Variants in SLIT3 observed in about 807,000 individuals in gnomAD.
The protein encoded by SLIT3 is slit homolog 3 protein.
In SLIT3, 68 loss-of-function variants were observed where a neutral mutation model predicts 184.0. The ratio of observed to expected loss-of-function variants is 0.37; its 90% confidence interval spans 0.30 to 0.45. The LOEUF is 0.45. Ranked by LOEUF, SLIT3 falls within the 20% of genes least tolerant of loss-of-function variation. The pLI, the probability that SLIT3 is intolerant of heterozygous loss-of-function variation, is 1.00. For missense variants in SLIT3, 1,707 were observed against 2,026.0 expected (o/e 0.84, Z 3.02); for synonymous variants, 831 against 828.6 (o/e 1.00, Z -0.05).
At position 169,083,403 on chromosome 5, in the gene SLIT3, T is replaced by C. The variant is rs549689206; in HGVS notation, c.413+110076A>G. ...ACACACCTGAAAGTGAAATGGGGCG[T>C]TAGGGGGTGGGGGCAGAAGAGATCA... On this transcript the variant is annotated intron_variant, in intron 4 of 35. Coordinates refer to ENST00000519560, the MANE Select transcript of SLIT3 (RefSeq NM_003062.4). Among the ~76,000 whole-genome samples the C allele has an allele frequency of 2.6e-5, 4 of 152,084 alleles. No individual in the cohort carries two copies. In the East Asian group the frequency reaches 7.7e-4, roughly 29 times the overall value.
At chr5:169,220,288 A>C (rs1764578161) in intron 3 of SLIT3, among the ~76,000 whole-genome samples, 1 of 151,686 alleles carries the variant, frequency 6.6e-6, no homozygotes, top group South Asian at 2.1e-4. Context: ...CCTCTTCCTC[A>C]CAAACTGGAA....
intron 3 of SLIT3, among the ~76,000 whole-genome samples, chr5:169,210,093 A>C (rs1382946751): frequency 2.0e-5 from 3 of 152,324 alleles, no homozygotes; most frequent in African/African-American, 7.2e-5. Context: ...TGAACATGTG[A>C]TGTGTGCCAC....
At chr5:169,018,457 CAA>C (rs1268669183) in intron 4 of SLIT3, 1 of 152,206 alleles carries the variant, frequency 6.6e-6, no homozygotes, top group Non-Finnish European at 1.5e-5. Context: ...ACTGCTGAGT[CAA>C]AGAGGGTTTA....
chr5:168,666,730 G>T (rs181104352), intron 35 of SLIT3, 41 bp from the exon 36 acceptor site: 45 of 1,613,284 alleles, frequency 2.8e-5, no homozygotes, highest in Non-Finnish European at 3.6e-5. Flanking sequence ...TGGTCTAGGT[G>T]GCCAGCAGGA....
rs934723111 is a variant in SLIT3 at position 168,664,418 on chromosome 5, C to G, written c.*2036G>C. The G allele has an allele frequency of 6.6e-6, 1 of 152,198 alleles. No homozygotes were observed. Among genetic ancestry groups the G allele is most frequent in the African/African-American group, 2.4e-5 (1 of 41,436 alleles). 9.4% of individuals were successfully genotyped at this position (152,198 alleles called of 1,614,324 possible). A position where few individuals can be genotyped will look rare whatever the true frequency, so the allele number is the denominator to read the frequency against. On this transcript the variant is annotated 3_prime_UTR_variant, in exon 36 of 36. Coordinates refer to ENST00000519560, the MANE Select transcript of SLIT3 (RefSeq NM_003062.4). ...ACAAAGCCATCATAAGGCACAGTAC[C>G]TGGAACATAATGGAGATTTACATGC...
At chr5:168,814,264 G>C (rs770618190) in intron 8 of SLIT3, among the ~76,000 whole-genome samples, 1 of 152,132 alleles carries the variant, frequency 6.6e-6, no homozygotes, top group South Asian at 2.1e-4. Flanking sequence ...AGGCAGGGTG[G>C]TAGGTGCCTG....
At chr5:168,724,881 G>A (rs1278793562) in intron 20 of SLIT3, among the ~76,000 whole-genome samples, 1 of 152,150 alleles carries the variant, frequency 6.6e-6, no homozygotes, top group African/African-American at 2.4e-5. Context: ...AAAGTTCAGA[G>A]ATGTTAAAAC....
intron 1 of SLIT3, among the ~76,000 whole-genome samples, chr5:169,278,903 CTG>C (rs1766903385): frequency 2.0e-5 from 3 of 152,254 alleles, no homozygotes; most frequent in East Asian, 1.9e-4. Context: ...ACAGATGACA[CTG>C]GAGTTGGTTA....
chr5:169,061,408 T>G (rs887087632), intron 4 of SLIT3, among the ~76,000 whole-genome samples: 2 of 152,194 alleles, frequency 1.3e-5, no homozygotes, highest in African/African-American at 4.8e-5. Context: ...TCACTCTTCA[T>G]AATTCTCCCC....
intron 4 of SLIT3, among the ~76,000 whole-genome samples, chr5:169,124,477 C>G (rs1364300723): frequency 6.6e-6 from 1 of 152,168 alleles, no homozygotes; most frequent in Non-Finnish European, 1.5e-5. Flanking sequence ...GATGACTTAA[C>G]AAGCTGATCA....
At chr5:169,168,252 GT>G (rs1762702450) in intron 4 of SLIT3, among the ~76,000 whole-genome samples, 1 of 152,180 alleles carries the variant, frequency 6.6e-6, no homozygotes, top group African/African-American at 2.4e-5. Flanking sequence ...TTACAAAACT[GT>G]GATTTAGTAT....
At position 169,193,471 on chromosome 5, in the gene SLIT3, C is replaced by A; in HGVS notation, c.413+8G>T. On this transcript the variant is annotated splice_region_variant and intron_variant, in intron 4 of 35. Transcript: ENST00000519560. ...ACAAGGTAGAGAACACAAGGCAACT[C>A]TACTCACAGTCTGGTGAGCTTCGGC... 1.2e-6 allele frequency: 2 copies of A among 1,612,884 alleles called. No homozygotes were observed. Among genetic ancestry groups the A allele is most frequent in the South Asian group, 2.2e-5 (2 of 91,046 alleles).
At chr5:168,702,389 G>C (rs1482316786) in intron 26 of SLIT3, among the ~76,000 whole-genome samples, 1 of 152,142 alleles carries the variant, frequency 6.6e-6, no homozygotes, top group Non-Finnish European at 1.5e-5. Flanking sequence ...TAAGTGAAAT[G>C]GGGAGCAAGC....
At chr5:168,757,759 C>T (rs1429030819) in intron 16 of SLIT3, among the ~76,000 whole-genome samples, 1 of 152,186 alleles carries the variant, frequency 6.6e-6, no homozygotes, top group Non-Finnish European at 1.5e-5. Flanking sequence ...AATATATAAC[C>T]AGCTACTCTG....
chr5:168,739,164 C>T (rs143870738), intron 20 of SLIT3, among the ~76,000 whole-genome samples: 77 of 152,200 alleles, frequency 5.1e-4, no homozygotes, highest in African/African-American at 1.8e-3. Context: ...ATCTGCATAA[C>T]TCAGTGAACC....
chr5:169,004,281 G>A (rs894997189), intron 4 of SLIT3, among the ~76,000 whole-genome samples: 159 of 152,266 alleles, frequency 1.0e-3, no homozygotes, highest in African/African-American at 3.4e-3. Flanking sequence ...TGCTGGGTTC[G>A]GTTCTGCCAT....
At chr5:169,183,251 G>A (rs1763227408) in intron 4 of SLIT3, among the ~76,000 whole-genome samples, 1 of 152,166 alleles carries the variant, frequency 6.6e-6, no homozygotes, top group East Asian at 1.9e-4. Context: ...AGTATAAGCT[G>A]GGTGTTTGTT....
chr5:168,722,267 G>A lies in SLIT3; in HGVS notation c.2472C>T (p.Ser824=), dbSNP rs367604062. 82 of 1,613,946 alleles carry A rather than the reference G, an allele frequency of 5.1e-5. No individual in the cohort carries two copies. Among genetic ancestry groups the A allele is most frequent in the Middle Eastern group, 3.3e-4 (2 of 6,084 alleles). Residue 824 remains serine, a synonymous_variant, in exon 23 of 36, where the codon TCC becomes TCT. Transcript: ENST00000519560. ...ATTGGGGTACTCACAGCACTCGCAG[G>A]GACCGCAGCCCGTTGAAGGCGTGGA... ...IPVHAFNGLR[S]LRVLTLHGND... is the part of the protein sequence containing the mutation.
chr5:168,795,923 G>A (rs1292592358), intron 9 of SLIT3, among the ~76,000 whole-genome samples: 2 of 152,116 alleles, frequency 1.3e-5, no homozygotes, highest in African/African-American at 4.8e-5. Flanking sequence ...TAAGTCAAAG[G>A]GATAAAGAGA....
Sources: gnomAD v4.1 joint callset for allele counts (sites outside exome capture counted in the v4.1 genomes callset) on GRCh38, gnomAD v4.1.1 for gene constraint, MANE v1.5 for transcripts, NCBI Gene and HGNC (gene_info 2026-07-23, HGNC 2026-07-21) for gene names.